The following DLGAP1 variants were observed in gnomAD, a reference collection of about 807,000 sequenced individuals.
The protein encoded by DLGAP1 is DLG associated protein 1.
DLGAP1 carries 11 observed loss-of-function variants against 90.8 expected under a neutral mutation model. The ratio of observed to expected loss-of-function variants is 0.12; its 90% CI spans 0.08 to 0.20. The LOEUF is 0.20. Ranked by LOEUF, DLGAP1 falls within the 10% of genes least tolerant of loss-of-function variation. The pLI is 1.00. For missense variants in DLGAP1, 1,050 were observed against 1,333.8 expected (o/e 0.79, Z 3.31); for synonymous variants, 558 against 540.7 (o/e 1.03, Z -0.44).
intron 3 of DLGAP1, among the ~76,000 whole-genome samples, chr18:3,943,920 C>T (rs938084185): frequency 1.1e-4 from 16 of 152,270 alleles, no homozygotes; most frequent in African/African-American, 3.8e-4. Context: ...AAGACAGCCA[C>T]CTGCAAGTCA....
chr18:4,036,722 A>G (rs2074894646), intron 2 of DLGAP1, among the ~76,000 whole-genome samples: 1 of 152,168 alleles, frequency 6.6e-6, no homozygotes, highest in South Asian at 2.1e-4. Flanking sequence ...CCATTCAATC[A>G]TTATGATTTA....
chr18:3,784,487 G>A (rs972935840), intron 5 of DLGAP1, among the ~76,000 whole-genome samples: 1 of 152,140 alleles, frequency 6.6e-6, no homozygotes, highest in Admixed American at 6.5e-5. Flanking sequence ...GAATCCTGGA[G>A]AATCTATTTT....
intron 7 of DLGAP1, chr18:3,597,421 AG>A (rs2056644887): frequency 1.1e-5 from 4 of 370,108 alleles, no homozygotes; most frequent in Non-Finnish European, 1.6e-5. Flanking sequence ...AGATGGGACC[AG>A]GGTATTGTGC....
intron 2 of DLGAP1, among the ~76,000 whole-genome samples, chr18:4,018,154 C>CT (rs1331890602): frequency 6.6e-6 from 1 of 152,202 alleles, no homozygotes; most frequent in Non-Finnish European, 1.5e-5. Context: ...CTTAGGTTTG[C>CT]TTCCATGGAG....
At chr18:4,280,262 T>C (rs780628653) in intron 1 of DLGAP1, among the ~76,000 whole-genome samples, 4 of 152,232 alleles carry the variant, frequency 2.6e-5, no homozygotes, top group Non-Finnish European at 5.9e-5. Flanking sequence ...CCCTGGCAAT[T>C]ATTAATTTAT....
chr18:4,220,732 T>A (rs1325618254), intron 1 of DLGAP1, among the ~76,000 whole-genome samples: 2 of 152,108 alleles, frequency 1.3e-5, no homozygotes, highest in Non-Finnish European at 2.9e-5. Flanking sequence ...CTAACAAACC[T>A]ACAAATCTAT....
intron 1 of DLGAP1, among the ~76,000 whole-genome samples, chr18:4,302,063 C>T (rs1234907789): frequency 1.3e-5 from 2 of 152,112 alleles, no homozygotes; most frequent in Non-Finnish European, 2.9e-5. Flanking sequence ...GTGTGGCTTA[C>T]AAATATAGTC....
chr18:4,410,742 A>G (rs56373664), intron 1 of DLGAP1, among the ~76,000 whole-genome samples: 4,450 of 152,232 alleles, frequency 0.029, 98 homozygotes, highest in South Asian at 0.096. Context: ...TAGCAACAAA[A>G]GCAATCAAAA....
At chr18:4,420,304 C>T (rs1383595910) in intron 1 of DLGAP1, among the ~76,000 whole-genome samples, 3 of 152,072 alleles carry the variant, frequency 2.0e-5, no homozygotes, top group African/African-American at 7.2e-5. Context: ...ATAGAACACC[C>T]GAGCAATATT....
At chr18:3,765,377 A>G (rs9955686) in intron 5 of DLGAP1, among the ~76,000 whole-genome samples, 72,209 of 149,428 alleles carry the variant, frequency 0.48, 18,584 homozygotes, top group African/African-American at 0.67. Context: ...TGATCTGCCC[A>G]CCTTGGCCTC....
chr18:3,814,002 C>G, intron 5 of DLGAP1, 57 bp downstream of exon 5: 18 of 1,552,466 alleles, frequency 1.2e-5, no homozygotes, highest in Non-Finnish European at 1.6e-5. Flanking sequence ...ACCATCTGAG[C>G]CTCGGTGATA....
chr18:4,194,471 C>A (rs2077457723), intron 1 of DLGAP1, among the ~76,000 whole-genome samples: 1 of 151,982 alleles, frequency 6.6e-6, no homozygotes, highest in African/African-American at 2.4e-5. Context: ...AAGGCCAAAC[C>A]AATTTTGAAA....
chr18:3,701,326 C>A (rs1382616856), intron 7 of DLGAP1, among the ~76,000 whole-genome samples: 1 of 152,098 alleles, frequency 6.6e-6, no homozygotes, highest in Non-Finnish European at 1.5e-5. Flanking sequence ...TGTGGTGTTC[C>A]CGTTAAGGGT....
chr18:3,624,197 C>T (rs541847776), intron 7 of DLGAP1, among the ~76,000 whole-genome samples: 2 of 152,336 alleles, frequency 1.3e-5, no homozygotes, highest in Non-Finnish European at 2.9e-5. Context: ...GTGCGTCAAC[C>T]TCTGGCCAGG....
Position 3,526,964 on chromosome 18 carries a change from A to G in DLGAP1, c.2479+7230T>C, listed in dbSNP as rs559521079. ...AGGAAACCTCACTCACTGCAGTTTC[A>G]TTATTTTATTATCAAGCCAAAAAAA... On this transcript the variant is annotated intron_variant, in intron 10 of 12. Transcript: ENST00000315677. This position sits in a 1 kb window ranked among gnomAD's most constrained non-coding sequence, Gnocchi z 4.7. Among the ~76,000 whole-genome samples, 4 of 152,080 alleles carry G rather than the reference A, an allele frequency of 2.6e-5. No homozygotes were observed. The highest frequency in any genetic ancestry group is 5.9e-5 in the Non-Finnish European group (4 of 67,990).
In DLGAP1 at chr18:4,454,066, G is replaced by A. The variant is rs1430528729; in HGVS notation, c.-267+940C>T. ...CAGTGTCTCCGGCGCCGGCAGCCGA[G>A]CCACGGGCCACCCCTTCCCACGGCC... On this transcript the variant is annotated intron_variant, in intron 1 of 12. Coordinates refer to ENST00000315677, the MANE Select transcript of DLGAP1 (RefSeq NM_004746.4). This position sits in a 1 kb window ranked among gnomAD's most constrained non-coding sequence, Gnocchi z 4.7. 1.3e-5 allele frequency among the ~76,000 whole-genome samples: 2 copies of A among 152,226 alleles called. No individual in the cohort carries two copies. Among genetic ancestry groups the A allele is most frequent in the South Asian group, 2.1e-4 (1 of 4,832 alleles).
chr18:4,143,389 C>T (rs983994560), intron 2 of DLGAP1, among the ~76,000 whole-genome samples: 2 of 151,410 alleles, frequency 1.3e-5, no homozygotes, highest in Admixed American at 1.3e-4. Context: ...CTCTCCATGG[C>T]CACCACTGCC....
chr18:4,450,997 G>A (rs1259803002), intron 1 of DLGAP1, among the ~76,000 whole-genome samples: 1 of 152,216 alleles, frequency 6.6e-6, no homozygotes, highest in Non-Finnish European at 1.5e-5. Flanking sequence ...GCTTCCTTTT[G>A]CATGAGCTGG....
At chr18:3,690,097 T>G (rs148405858) in intron 7 of DLGAP1, among the ~76,000 whole-genome samples, 29,960 of 100,478 alleles carry the variant, frequency 0.3, 3,761 homozygotes, top group East Asian at 0.55. Context: ...GGGTGAGGTT[T>G]TTTTTTTTTT....
Sources: allele counts gnomAD v4.1 joint callset (sites outside exome capture counted in the v4.1 genomes callset), GRCh38; gene constraint gnomAD v4.1.1; non-coding constraint Gnocchi (gnomAD v3.1); transcripts MANE v1.5; gene names NCBI Gene and HGNC (gene_info 2026-07-23, HGNC 2026-07-21).